MEI4: variants seen among roughly 807,000 people sequenced by gnomAD.
MEI4 encodes meiotic double-stranded break formation protein 4, also known as meiosis-specific protein MEI4.
MEI4 carries 27 observed loss-of-function variants against 31.4 expected under a neutral mutation model. The observed-to-expected ratio is 0.86, with a 90% CI of 0.63 to 1.19. The LOEUF (loss-of-function observed/expected upper bound fraction) is 1.19. Ranked by LOEUF, MEI4 falls within the 50% of genes most tolerant of loss-of-function variation. The probability of loss-of-function intolerance (pLI) is 0.00; values close to 1 mark genes in which losing one functional copy is unlikely to be tolerated. For synonymous variants in MEI4, 122 were observed against 145.4 expected, an observed-to-expected ratio of 0.84 and a Z score of 1.16; for missense variants, 329 against 398.9, an observed-to-expected ratio of 0.82 and a Z score of 1.49.
chr6:77,670,027 C>G (rs556377792), intron 1 of MEI4, among the ~76,000 whole-genome samples: 2 of 152,140 alleles, frequency 1.3e-5, no homozygotes, highest in African/African-American at 4.8e-5. Flanking sequence ...TCAGACAGAT[C>G]CATGCAGCTT....
At chr6:77,898,820 T>A (rs1427574943) in intron 4 of MEI4, among the ~76,000 whole-genome samples, 1 of 152,040 alleles carries the variant, frequency 6.6e-6, no homozygotes, top group African/African-American at 2.4e-5. Flanking sequence ...CCTTTAGATC[T>A]CTCTGTCTTT....
At chr6:77,695,923 G>A (rs1321814887) in intron 2 of MEI4, among the ~76,000 whole-genome samples, 3 of 152,058 alleles carry the variant, frequency 2.0e-5, no homozygotes, top group Non-Finnish European at 4.4e-5. Context: ...ATTTGTTTGT[G>A]TCCTCTTTTA....
At chr6:77,854,176 A>G (rs1471566409) in intron 4 of MEI4, among the ~76,000 whole-genome samples, 1 of 152,016 alleles carries the variant, frequency 6.6e-6, no homozygotes, top group Non-Finnish European at 1.5e-5. Flanking sequence ...TGAGAAATTT[A>G]CTCTATTCAT....
chr6:77,672,265 T>C (rs1768760359), intron 1 of MEI4, among the ~76,000 whole-genome samples: 1 of 152,220 alleles, frequency 6.6e-6, no homozygotes, highest in African/African-American at 2.4e-5. Context: ...TGTTTGCACA[T>C]CTATCCAGAT....
Position 77,761,300 on chromosome 6 carries a change from C to G in MEI4, c.403C>G (p.Leu135Val). The part of the protein sequence containing the change: ...CTPTHFPPLP[L>V]VKRPCAILQN... ...CCCCACTCACTTTCCACCACTGCCT[C>G]TTGTGAAAAGACCTTGTGCTATCCT... The change falls in exon 3 of 5, where the codon CTT becomes GTT. Residue 135 changes from leucine to valine, a missense_variant. Coordinates refer to ENST00000684080, the MANE Select transcript of MEI4 (RefSeq NM_001322247.2). 8.1e-7 allele frequency: 1 copy of G among 1,232,632 alleles called. No homozygotes were observed. Among genetic ancestry groups the G allele is most frequent in the Non-Finnish European group, 1.0e-6 (1 of 988,060 alleles). 76.4% of individuals were successfully genotyped at this position (1,232,632 alleles called of 1,614,324 possible). A position where few individuals can be genotyped will look rare whatever the true frequency, so the allele number is the denominator to read the frequency against.
At chr6:77,881,493 C>G (rs1771489637) in intron 4 of MEI4, among the ~76,000 whole-genome samples, 1 of 152,170 alleles carries the variant, frequency 6.6e-6, no homozygotes, top group Admixed American at 6.5e-5. Context: ...CTGCCTAGGT[C>G]AAATTTGTAG....
chr6:77,702,932 T>A (rs911579196), intron 2 of MEI4, among the ~76,000 whole-genome samples: 1 of 152,160 alleles, frequency 6.6e-6, no homozygotes, highest in Non-Finnish European at 1.5e-5. Context: ...TGTCATGCAG[T>A]TTCGATACCA....
intron 3 of MEI4, among the ~76,000 whole-genome samples, chr6:77,763,138 G>T (rs562998667): frequency 6.6e-6 from 1 of 152,154 alleles, no homozygotes; most frequent in South Asian, 2.1e-4. Context: ...CTTGGGAATT[G>T]TATGGAAGGA....
chr6:77,758,521 G>T (rs963484321), intron 2 of MEI4, among the ~76,000 whole-genome samples: 2 of 152,146 alleles, frequency 1.3e-5, no homozygotes, highest in Non-Finnish European at 2.9e-5. Flanking sequence ...TTTGTGCACT[G>T]TTCAACCACT....
chr6:77,696,810 C>G (rs1190060549), intron 2 of MEI4, among the ~76,000 whole-genome samples: 1 of 152,032 alleles, frequency 6.6e-6, no homozygotes, highest in African/African-American at 2.4e-5. Flanking sequence ...CCCTCTTTTT[C>G]TATTGATTGG....
chr6:77,747,857 C>T (rs1282677423), intron 2 of MEI4, among the ~76,000 whole-genome samples: 1 of 152,212 alleles, frequency 6.6e-6, no homozygotes, highest in East Asian at 1.9e-4. Context: ...TGCTTAGTTA[C>T]TTCCAAGATA....
At chr6:77,693,419 G>A (rs1394663650) in intron 2 of MEI4, among the ~76,000 whole-genome samples, 1 of 152,024 alleles carries the variant, frequency 6.6e-6, no homozygotes, top group African/African-American at 2.4e-5. Flanking sequence ...CTGATAAAAT[G>A]TGCATGTTAT....
rs190439932 is a variant in MEI4, at chr6:77,737,011, A to C, written c.233-24119A>C. ...ATGATGTAATATGATAGTGGCATAC[A>C]GAGCATGAGGAGGTGTTCTAGAAAA... On this transcript the variant is annotated intron_variant, in intron 2 of 4. Coordinates refer to ENST00000684080, the MANE Select transcript of MEI4 (RefSeq NM_001322247.2). 7.4e-4 allele frequency among the ~76,000 whole-genome samples: 113 copies of C among 152,346 alleles called. 1 individual carries two copies. The highest frequency in any genetic ancestry group is 1.2e-3 in the Non-Finnish European group (85 of 68,038).
intron 3 of MEI4, among the ~76,000 whole-genome samples, chr6:77,774,090 T>C (rs1768381256): frequency 6.6e-6 from 1 of 152,160 alleles, no homozygotes; most frequent in Non-Finnish European, 1.5e-5. Context: ...ACAACCACTA[T>C]GGAGAACAGT....
chr6:77,794,057 C>T (rs1397979051), intron 3 of MEI4, among the ~76,000 whole-genome samples: 2 of 152,100 alleles, frequency 1.3e-5, no homozygotes, highest in Non-Finnish European at 2.9e-5. Flanking sequence ...CTACAAGGAA[C>T]TCACTTCAGT....
chr6:77,766,274 T>C (rs1437908268), intron 3 of MEI4, among the ~76,000 whole-genome samples: 1 of 152,216 alleles, frequency 6.6e-6, no homozygotes, highest in Non-Finnish European at 1.5e-5. Context: ...TGTGCTATGT[T>C]GCATCTCTGA....
intron 4 of MEI4, among the ~76,000 whole-genome samples, chr6:77,849,392 T>C (rs193261782): frequency 6.6e-6 from 1 of 152,034 alleles, no homozygotes; most frequent in East Asian, 1.9e-4. Context: ...CAGCTGAAGG[T>C]AGTGATGGCA....
intron 3 of MEI4, among the ~76,000 whole-genome samples, chr6:77,801,880 G>A (rs1769271657): frequency 6.6e-6 from 1 of 152,152 alleles, no homozygotes; most frequent in South Asian, 2.1e-4. Flanking sequence ...TTGCTGAGGA[G>A]TGCTTTGCTT....
intron 2 of MEI4, among the ~76,000 whole-genome samples, chr6:77,758,914 TACTTCCAGTCTTCACTTACTTTCTTC>T (rs1166999264): frequency 1.3e-5 from 2 of 152,218 alleles, no homozygotes; most frequent in Non-Finnish European, 2.9e-5. Context: ...TTTCTTCACT[TACTTCCAGTCTTCACTTACTTTCTTC>T]ACTTCCAGTC....
Sources: gnomAD v4.1 joint callset for allele counts (sites outside exome capture counted in the v4.1 genomes callset) on GRCh38, gnomAD v4.1.1 for gene constraint, MANE v1.5 for transcripts, NCBI Gene and HGNC (gene_info 2026-07-23, HGNC 2026-07-21) for gene names.